Variants in KCNH8 observed in about 807,000 individuals in gnomAD.
KCNH8 encodes the protein potassium voltage-gated channel subfamily H member 8, also known as voltage-gated delayed rectifier potassium channel KCNH8.
A neutral mutation model predicts 103.6 loss-of-function variants in KCNH8; 70 were observed. The ratio of observed to expected loss-of-function variants is 0.68; its 90% CI spans 0.56 to 0.82. KCNH8 has a LOEUF of 0.82. KCNH8 is among the 40% of genes least tolerant of loss of function. The pLI is 0.00. For synonymous variants in KCNH8, 498 were observed against 489.4 expected (o/e 1.02, Z -0.23); for missense variants, 1,217 against 1,329.9 (o/e 0.92, Z 1.32).
chr3:19,451,034 C>A, intron 9 of KCNH8, 121 bp from the exon 10 acceptor site: 2 of 886,148 alleles, frequency 2.3e-6, no homozygotes, highest in Non-Finnish European at 3.6e-6. Flanking sequence ...ATTTCCTCTT[C>A]TGTATGCTGG....
chr3:19,199,226 C>T lies in KCNH8; in HGVS notation c.76+50431C>T, dbSNP rs565331095. ...TAAATAAATCATGTTATGTGTTGAA[C>T]TGAACTTAATTCTACCCTTTGTTTT... On this transcript the variant is annotated intron_variant, in intron 1 of 15. Transcript: ENST00000328405. Among the ~76,000 whole-genome samples the T allele has an allele frequency of 8.5e-5, 13 of 152,226 alleles. No individual in the cohort carries two copies. In the South Asian group the frequency reaches 1.9e-3, roughly 22 times the overall value.
At chr3:19,225,225 A>G (rs1048074654) in intron 1 of KCNH8, among the ~76,000 whole-genome samples, 1 of 151,730 alleles carries the variant, frequency 6.6e-6, no homozygotes, top group African/African-American at 2.4e-5. Flanking sequence ...TTGGATTTTT[A>G]TGGACCCACA....
intron 1 of KCNH8, among the ~76,000 whole-genome samples, chr3:19,150,900 A>G (rs979710280): frequency 2.0e-5 from 3 of 152,300 alleles, no homozygotes; most frequent in East Asian, 3.9e-4. Context: ...GTGATAAGTA[A>G]CATAAGGGTT....
intron 1 of KCNH8, among the ~76,000 whole-genome samples, chr3:19,206,168 G>GTGTGTGTATATATATATATATATA (rs979868166): frequency 8.6e-5 from 12 of 139,260 alleles, no homozygotes; most frequent in African/African-American, 2.6e-4. Flanking sequence ...TGGTGTGTGT[G>GTGTGTGTATATATATATATATATA]TATATATATA....
At chr3:19,184,569 A>C (rs1559413053) in intron 1 of KCNH8, among the ~76,000 whole-genome samples, 1 of 152,008 alleles carries the variant, frequency 6.6e-6, no homozygotes, top group African/African-American at 2.4e-5. Flanking sequence ...TACGAATGAT[A>C]ATGATATTTC....
At chr3:19,444,056 T>C (rs866017653) in intron 8 of KCNH8, among the ~76,000 whole-genome samples, 4 of 151,898 alleles carry the variant, frequency 2.6e-5, no homozygotes, top group Non-Finnish European at 5.9e-5. Flanking sequence ...TTTCTAAAAA[T>C]CAGTGGAGAA....
At chr3:19,376,206 C>A (rs181408956) in intron 5 of KCNH8, among the ~76,000 whole-genome samples, 5 of 152,292 alleles carry the variant, frequency 3.3e-5, no homozygotes, top group Admixed American at 2.6e-4. Context: ...GCCTCGCTGC[C>A]GCCTTGCAGT....
intron 11 of KCNH8, among the ~76,000 whole-genome samples, chr3:19,458,331 A>G (rs2125189924): frequency 6.6e-6 from 1 of 152,090 alleles, no homozygotes; most frequent in Non-Finnish European, 1.5e-5. Context: ...AATTGTTTTG[A>G]AAATCAAAGG....
chr3:19,331,432 C>T (rs1327500652), intron 3 of KCNH8, among the ~76,000 whole-genome samples: 1 of 151,934 alleles, frequency 6.6e-6, no homozygotes, highest in Non-Finnish European at 1.5e-5. Context: ...GCTGGGCCTA[C>T]AGGTGTGTGT....
At chr3:19,180,178 T>G (rs1290727053) in intron 1 of KCNH8, among the ~76,000 whole-genome samples, 1 of 152,050 alleles carries the variant, frequency 6.6e-6, no homozygotes, top group Non-Finnish European at 1.5e-5. Context: ...ACTAACTATT[T>G]CAACCCTTTA....
chr3:19,278,063 G>A (rs2064700420), intron 2 of KCNH8, among the ~76,000 whole-genome samples: 1 of 152,068 alleles, frequency 6.6e-6, no homozygotes, highest in Admixed American at 6.6e-5. Flanking sequence ...TGTGCCCACA[G>A]GTAAGAGAGG....
intron 3 of KCNH8, among the ~76,000 whole-genome samples, chr3:19,315,314 G>A (rs909644587): frequency 1.3e-5 from 2 of 151,964 alleles, no homozygotes; most frequent in African/African-American, 4.8e-5. Context: ...AAAAGACAAA[G>A]TATTAGGAGC....
chr3:19,175,866 G>C (rs1481100249), intron 1 of KCNH8, among the ~76,000 whole-genome samples: 3 of 152,116 alleles, frequency 2.0e-5, no homozygotes, highest in African/African-American at 7.2e-5. Flanking sequence ...GGCTAAAAAA[G>C]ATCTGTGAGC....
chr3:19,490,899 C>G (rs1012285360), intron 11 of KCNH8, among the ~76,000 whole-genome samples: 4 of 152,142 alleles, frequency 2.6e-5, no homozygotes, highest in Non-Finnish European at 4.4e-5. Context: ...TTAAAGAAAG[C>G]TACTCAAGAC....
At chr3:19,186,595 G>A (rs530095361) in intron 1 of KCNH8, among the ~76,000 whole-genome samples, 23 of 151,962 alleles carry the variant, frequency 1.5e-4, no homozygotes, top group Admixed American at 5.2e-4. Context: ...TCTTTGTTTC[G>A]TTGAGGGATA....
chr3:19,333,358 G>A (rs983917437), intron 3 of KCNH8, among the ~76,000 whole-genome samples: 1 of 152,104 alleles, frequency 6.6e-6, no homozygotes, highest in Non-Finnish European at 1.5e-5. Flanking sequence ...AACAGTAACC[G>A]TGCAATTGTT....
chr3:19,259,064 T>G (rs1291723482), intron 2 of KCNH8, among the ~76,000 whole-genome samples: 1 of 149,572 alleles, frequency 6.7e-6, no homozygotes, highest in East Asian at 2.0e-4. Flanking sequence ...TACAACTATT[T>G]ATTTTAAAAG....
chr3:19,195,420 C>T (rs2063591161), intron 1 of KCNH8, among the ~76,000 whole-genome samples: 1 of 151,742 alleles, frequency 6.6e-6, no homozygotes, highest in Non-Finnish European at 1.5e-5. Context: ...TTTTTTCCCT[C>T]ACAGTATATT....
intron 7 of KCNH8, among the ~76,000 whole-genome samples, chr3:19,425,473 C>T (rs192533857): frequency 3.3e-5 from 5 of 152,232 alleles, no homozygotes; most frequent in East Asian, 1.9e-4. Flanking sequence ...TGTGCATGTT[C>T]ACTAAATATT....
Sources: allele counts gnomAD v4.1 joint callset (sites outside exome capture counted in the v4.1 genomes callset), GRCh38; gene constraint gnomAD v4.1.1; transcripts MANE v1.5; gene names NCBI Gene and HGNC (gene_info 2026-07-23, HGNC 2026-07-21).